Variants in SENP1 observed in about 807,000 individuals in gnomAD.
The protein encoded by SENP1 is SUMO specific peptidase 1, also known as sentrin-specific protease 1.
Under a neutral mutation model 93.0 loss-of-function variants are expected in SENP1, and 21 were observed. The observed-to-expected ratio is 0.23, with a 90% CI of 0.16 to 0.33. The LOEUF is 0.33. Among genes scored for constraint, SENP1 ranks in the 10% least tolerant of loss-of-function variants. SENP1 has a pLI of 1.00. For synonymous variants in SENP1, 256 were observed against 259.6 expected (o/e 0.99, Z 0.13); for missense variants, 591 against 758.7 (o/e 0.78, Z 2.60).
intron 1 of SENP1, among the ~76,000 whole-genome samples, chr12:48,103,914 T>C (rs1397137294): frequency 7.9e-5 from 12 of 152,064 alleles, no homozygotes; most frequent in Admixed American, 7.9e-4. Context: ...AGGAAGTTAC[T>C]AGAAAATATA....
intron 4 of SENP1, among the ~76,000 whole-genome samples, chr12:48,093,894 G>T (rs1945384148): frequency 6.6e-6 from 1 of 152,130 alleles, no homozygotes; most frequent in Non-Finnish European, 1.5e-5. Flanking sequence ...GCCAGGAGGT[G>T]CAGGTTGCAG....
At chr12:48,100,730 T>C (rs925647043) in intron 2 of SENP1, among the ~76,000 whole-genome samples, 3 of 152,148 alleles carry the variant, frequency 2.0e-5, no homozygotes, top group Non-Finnish European at 4.4e-5. Context: ...CCAGTTATAG[T>C]ACATGACTCT....
chr12:48,070,047 T>C (rs1224840139), intron 9 of SENP1, among the ~76,000 whole-genome samples: 1 of 152,212 alleles, frequency 6.6e-6, no homozygotes, highest in Non-Finnish European at 1.5e-5. Flanking sequence ...TATTACTGTA[T>C]TACAGAGGAA....
chr12:48,063,835 C>T lies in SENP1; in HGVS notation c.1282G>A (p.Glu428Lys). Residue 428 changes from glutamate (E) to lysine (K), a missense_variant, in exon 13 of 18, where the codon GAG (glutamate) becomes AAG (lysine). Transcript: ENST00000549518. Reference protein sequence around the residue: ...DEFPEITEEMEKEIKNVFRNG... With the variant: ...DEFPEITEEMKKEIKNVFRNG... Reference sequence around the variant, plus strand: ...CGAAATACATTCTTTATTTCTTTCTCCATTTCCTAAGAAAACAAAAGGTGT... The same window carrying T: ...CGAAATACATTCTTTATTTCTTTCTTCATTTCCTAAGAAAACAAAAGGTGT... 6.2e-7 allele frequency: 1 copy of T among 1,608,960 alleles called. No homozygotes were observed. Among genetic ancestry groups the T allele is most frequent in the Non-Finnish European group, 8.5e-7 (1 of 1,178,296 alleles).
intron 5 of SENP1, chr12:48,085,192 C>A: frequency 6.8e-7 from 1 of 1,476,018 alleles, no homozygotes; most frequent in Non-Finnish European, 9.5e-7. Context: ...AAGGATACGA[C>A]CATCAATGAG....
At chr12:48,096,752 G>A (rs959622370) in intron 3 of SENP1, among the ~76,000 whole-genome samples, 6 of 152,186 alleles carry the variant, frequency 3.9e-5, no homozygotes, top group East Asian at 1.9e-4. Flanking sequence ...CACCGCGCCC[G>A]GCCATGTCAC....
intron 1 of SENP1, among the ~76,000 whole-genome samples, chr12:48,103,185 T>A (rs1565817523): frequency 6.6e-6 from 1 of 152,194 alleles, no homozygotes; most frequent in Non-Finnish European, 1.5e-5. Flanking sequence ...AACAGAATAA[T>A]CCCATGTCAA....
chr12:48,078,334 T>TATATATATAC lies in SENP1; in HGVS notation c.553-3542_553-3541insGTATATATAT. ...GTAGGATTTTATATATATATATATATACACACACATATATATATACACACA... is the reference window on the plus strand; with the variant it reads ...GTAGGATTTTATATATATATATATATATATATATACACACACACATATATATATACACACA... On this transcript the variant is annotated intron_variant, in intron 6 of 17. Coordinates refer to ENST00000549518, the MANE Select transcript of SENP1 (RefSeq NM_001267594.2). Among the ~76,000 whole-genome samples the TATATATATAC allele has an allele frequency of 5.6e-4, 38 of 67,892 alleles. 6 individuals carry two copies. The highest frequency in any genetic ancestry group is 1.1e-3 in the East Asian group (1 of 922). The allele number at this position is 67,892 out of a possible 152,430, so 44.5% of individuals were successfully genotyped here.
Position 48,046,457 on chromosome 12 carries a change from A to G in SENP1, c.1777-6T>C, listed in dbSNP as rs762960296. The G allele has an allele frequency of 6.3e-7, 1 of 1,593,018 alleles. No homozygotes were observed. Among genetic ancestry groups the G allele is most frequent in the Non-Finnish European group, 8.6e-7 (1 of 1,161,056 alleles). ...TTCATCTGCTGAGGAATCTCCTGGAAGACCAACAACAAAAAAAATGACATC... is the reference window on the plus strand; with the variant it reads ...TTCATCTGCTGAGGAATCTCCTGGAGGACCAACAACAAAAAAAATGACATC... On this transcript the variant is annotated splice_polypyrimidine_tract_variant and splice_region_variant and intron_variant, in intron 16 of 17. Transcript: ENST00000549518.
At chr12:48,047,395 T>C (rs1490302552) in intron 15 of SENP1, among the ~76,000 whole-genome samples, 1 of 152,246 alleles carries the variant, frequency 6.6e-6, no homozygotes, top group African/African-American at 2.4e-5. Context: ...CCTTTAGAAC[T>C]CAATCTAATG....
At chr12:48,053,271 C>T (rs754235882) in intron 13 of SENP1, among the ~76,000 whole-genome samples, 1 of 151,966 alleles carries the variant, frequency 6.6e-6, no homozygotes, top group African/African-American at 2.4e-5. Context: ...GCCAGGAATT[C>T]GAGACCAGGC....
rs1233095180 is a variant in SENP1 at position 48,096,575 on chromosome 12, C to G, written c.136-148G>C. On this transcript the variant is annotated intron_variant, in intron 3 of 17. Coordinates refer to ENST00000549518, the MANE Select transcript of SENP1 (RefSeq NM_001267594.2). Reference sequence around the variant, plus strand: ...AGTTCAAGTGATTCTCCTGCCTCAGCCTCCTGAGTAGCTGGGATTACAGGC... The same window carrying G: ...AGTTCAAGTGATTCTCCTGCCTCAGGCTCCTGAGTAGCTGGGATTACAGGC... 2.3e-5 allele frequency: 13 copies of G among 566,220 alleles called. 1 individual carries two copies. The South Asian group carries it at 2.7e-4, about 12-fold the overall frequency. 35.1% of individuals were successfully genotyped at this position (566,220 alleles called of 1,614,324 possible). A position where few individuals can be genotyped will look rare whatever the true frequency, so the allele number is the denominator to read the frequency against.
chr12:48,042,922 A>C lies in SENP1; in HGVS notation c.*2400T>G, dbSNP rs1941085962. 6.6e-6 allele frequency: 1 copy of C among 152,130 alleles called. No homozygotes were observed. Among genetic ancestry groups the C allele is most frequent in the African/African-American group, 2.4e-5 (1 of 41,398 alleles). The allele number at this position is 152,130 out of a possible 1,614,324, so 9.4% of individuals were successfully genotyped here. On this transcript the variant is annotated 3_prime_UTR_variant, in exon 18 of 18. Coordinates refer to ENST00000549518, the MANE Select transcript of SENP1 (RefSeq NM_001267594.2). ...AACACAGGAGAAAAAAGTCTTATTTAGTTTAAAGTAAATTACATAAGATAT... is the reference window on the plus strand; with the variant it reads ...AACACAGGAGAAAAAAGTCTTATTTCGTTTAAAGTAAATTACATAAGATAT...
intron 13 of SENP1, among the ~76,000 whole-genome samples, chr12:48,056,306 A>G (rs1455328540): frequency 1.4e-4 from 14 of 102,808 alleles, no homozygotes; most frequent in Admixed American, 5.6e-4. Flanking sequence ...ATTATTTAAT[A>G]TATTACATAT....
At chr12:48,075,946 A>G (rs1944037732) in intron 6 of SENP1, among the ~76,000 whole-genome samples, 1 of 152,220 alleles carries the variant, frequency 6.6e-6, no homozygotes, top group South Asian at 2.1e-4. Context: ...GGAACAACAC[A>G]TGCAAAGCCC....
Position 48,083,688 on chromosome 12 carries a change from A to G in SENP1, c.455T>C (p.Ile152Thr). 10 of 1,613,684 alleles carry G rather than the reference A, an allele frequency of 6.2e-6. No homozygotes were observed. The highest frequency in any genetic ancestry group is 8.5e-6 in the Non-Finnish European group (10 of 1,179,682). The change falls in exon 6 of 18, where the codon ATT (isoleucine) becomes ACT (threonine). Residue 152 changes from isoleucine (I) to threonine (T), a missense_variant. Physicochemically the swap from Ile to Thr is moderately conservative, Grantham distance 89. This residue lies in a region of SENP1 where 214 missense variants were observed against 243.4 expected (regional missense o/e 0.88). Transcript: ENST00000549518. ...CCAAGATGGACTTGGAACAGGTTTA[A>G]TAGGAAAAGATTTTTCATATGCAGA... ...HVSAYEKSFP[I>T]KPVPSPSWSG...
At chr12:48,062,083 T>C (rs1942995973) in intron 13 of SENP1, among the ~76,000 whole-genome samples, 1 of 152,186 alleles carries the variant, frequency 6.6e-6, no homozygotes, top group Admixed American at 6.5e-5. Context: ...TCCTGATGAA[T>C]GCTGTCTCTG....
At chr12:48,102,597 C>A (rs184998155) in intron 1 of SENP1, among the ~76,000 whole-genome samples, 1 of 151,906 alleles carries the variant, frequency 6.6e-6, no homozygotes, top group Admixed American at 6.6e-5. Flanking sequence ...AATCTTATAA[C>A]CATATTTTTA....
At chr12:48,055,886 G>T (rs1366708209) in intron 13 of SENP1, among the ~76,000 whole-genome samples, 1 of 132,772 alleles carries the variant, frequency 7.5e-6, no homozygotes. Flanking sequence ...TACATATTAT[G>T]CAATATATAA....
Sources: allele counts gnomAD v4.1 joint callset (sites outside exome capture counted in the v4.1 genomes callset), GRCh38; gene constraint gnomAD v4.1.1; regional missense constraint gnomAD v4.1.1; transcripts MANE v1.5; gene names NCBI Gene and HGNC (gene_info 2026-07-23, HGNC 2026-07-21).